The following GRIN2D variants were observed in gnomAD, a reference collection of about 807,000 sequenced individuals.
GRIN2D encodes glutamate ionotropic receptor NMDA type subunit 2D, also known as glutamate receptor ionotropic, NMDA 2D.
In GRIN2D, 37 loss-of-function variants were observed where a neutral mutation model predicts 103.2. That is an observed-to-expected ratio of 0.36 (90% CI 0.28 to 0.47). GRIN2D has a LOEUF of 0.47. Ranked by LOEUF, GRIN2D falls within the 20% of genes least tolerant of loss-of-function variation. The pLI, the probability that GRIN2D is intolerant of heterozygous loss-of-function variation, is 1.00. For synonymous variants in GRIN2D, 845 were observed against 885.6 expected (o/e 0.95, Z 0.81); for missense variants, 1,557 against 1,910.6 (o/e 0.81, Z 3.45).
Position 48,405,473 on chromosome 19 carries a change from C to A in GRIN2D, c.1085+120C>A. 9.3e-7 allele frequency: 1 copy of A among 1,074,978 alleles called. No homozygotes were observed. The highest frequency in any genetic ancestry group is 1.3e-6 in the Non-Finnish European group (1 of 788,470). The allele number at this position is 1,074,978 out of a possible 1,614,324, so 66.6% of individuals were successfully genotyped here. ...GCTCTTTGAGCCTCAGTTTTCTTTT[C>A]TGTAAAGTGGGTGCAATTGGGTCTC... On this transcript the variant is annotated intron_variant, in intron 4 of 13. Transcript: ENST00000263269. The surrounding 1 kb of genome is among the most constrained non-coding windows in gnomAD (Gnocchi z 5.1).
chr19:48,433,517 C>T (rs528345193), intron 11 of GRIN2D, among the ~76,000 whole-genome samples: 108 of 152,306 alleles, frequency 7.1e-4, no homozygotes, highest in African/African-American at 1.2e-3. Context: ...GGGCTCTGGC[C>T]GGCTCGCAGG....
intron 11 of GRIN2D, among the ~76,000 whole-genome samples, chr19:48,426,224 C>CTTTTTTTTTTTTTTCTTTTT (rs1555893888): frequency 8.3e-6 from 1 of 120,118 alleles, no homozygotes; most frequent in Non-Finnish European, 1.7e-5. Flanking sequence ...TTCTTTCTTT[C>CTTTTTTTTTTTTTTCTTTTT]TTTTTTTTTT....
In GRIN2D at chr19:48,443,580, C is replaced by G. The variant is rs1196844145; in HGVS notation, c.3654C>G (p.Pro1218=). ...APPPPPWAAG[P]LPRRRARCGC... ...CGCCTCCACCCTGGGCCGCCGGGCC[C>G]CTGCCCCGACGCCGGGCCCGCTGCG... The change falls in exon 14 of 14, where the codon CCC becomes CCG. Residue 1218 remains proline (P), a synonymous_variant. Transcript: ENST00000263269. This position sits in a 1 kb window ranked among gnomAD's most constrained non-coding sequence, Gnocchi z 8.9. 8.4e-7 allele frequency: 1 copy of G among 1,192,694 alleles called. No homozygotes were observed. The highest frequency in any genetic ancestry group is 1.0e-6 in the Non-Finnish European group (1 of 964,046). The allele number at this position is 1,192,694 out of a possible 1,614,324, so 73.9% of individuals were successfully genotyped here.
rs1328986744 is a variant in GRIN2D at position 48,393,973 on chromosome 19, G to A, written c.-306+105G>A. Reference sequence around the variant, plus strand: ...AGGGAGGGGTCTGTCTGTCTGTACCGACCCTGAGCTGCCTGCCTGGGTGTC... The same window carrying A: ...AGGGAGGGGTCTGTCTGTCTGTACCAACCCTGAGCTGCCTGCCTGGGTGTC... On this transcript the variant is annotated intron_variant, in intron 1 of 13. Coordinates refer to ENST00000263269, the MANE Select transcript of GRIN2D (RefSeq NM_000836.4). The surrounding 1 kb of genome is among the most constrained non-coding windows in gnomAD (Gnocchi z 5.6). Among the ~76,000 whole-genome samples the A allele has an allele frequency of 2.0e-5, 3 of 151,856 alleles. No homozygotes were observed. The highest frequency in any genetic ancestry group is 4.8e-5 in the African/African-American group (2 of 41,344).
At chr19:48,435,304 T>A (rs1453743390) in intron 11 of GRIN2D, among the ~76,000 whole-genome samples, 1 of 149,558 alleles carries the variant, frequency 6.7e-6, no homozygotes, top group African/African-American at 2.5e-5. Flanking sequence ...TTGTTTTTTT[T>A]TTTTTTTTTT....
At chr19:48,422,151 T>C (rs760312601) in intron 11 of GRIN2D, among the ~76,000 whole-genome samples, 4 of 152,088 alleles carry the variant, frequency 2.6e-5, no homozygotes, top group Non-Finnish European at 5.9e-5. Flanking sequence ...GATGCAGTAT[T>C]TCTGGATTCT....
At chr19:48,415,595 G>A (rs1203110531) in intron 7 of GRIN2D, among the ~76,000 whole-genome samples, 4 of 144,568 alleles carry the variant, frequency 2.8e-5, no homozygotes, top group Non-Finnish European at 6.1e-5. Context: ...AGGGCTGGGA[G>A]GAGGGACTTT....
chr19:48,419,257 G>T lies in GRIN2D; in HGVS notation c.1759G>T (p.Val587Leu). 2 of 1,610,840 alleles carry T rather than the reference G, an allele frequency of 1.2e-6. No individual in the cohort carries two copies. The highest frequency in any genetic ancestry group is 4.5e-5 in the East Asian group (2 of 44,814). Residue 587 changes from valine (V) to leucine (L), a missense_variant, in exon 9 of 14, where the codon GTG (valine) becomes TTG (leucine). Coordinates refer to ENST00000263269, the MANE Select transcript of GRIN2D (RefSeq NM_000836.4). Reference sequence around the variant, plus strand: ...AGAGCCCTACAGCCCCGCCGTGTGGGTGATGATGTTCGTCATGTGCCTCAC... The same window carrying T: ...AGAGCCCTACAGCCCCGCCGTGTGGTTGATGATGTTCGTCATGTGCCTCAC... ...FLEPYSPAVW[V>L]MMFVMCLTVV...
chr19:48,405,368 A>G lies in GRIN2D; in HGVS notation c.1085+15A>G, dbSNP rs754448811. On this transcript the variant is annotated intron_variant, in intron 4 of 13. Coordinates refer to ENST00000263269, the MANE Select transcript of GRIN2D (RefSeq NM_000836.4). The surrounding 1 kb of genome is among the most constrained non-coding windows in gnomAD (Gnocchi z 5.1). ...AGTCTGCATAGGTGAGTGGGGCTGGAATGGGAGGGGTGTGGGAGGGCTCCC... is the reference window on the plus strand; with the variant it reads ...AGTCTGCATAGGTGAGTGGGGCTGGGATGGGAGGGGTGTGGGAGGGCTCCC... 3.9e-6 allele frequency: 6 copies of G among 1,537,644 alleles called. No individual in the cohort carries two copies. The highest frequency in any genetic ancestry group is 3.6e-5 in the Admixed American group (2 of 54,942).
intron 11 of GRIN2D, among the ~76,000 whole-genome samples, chr19:48,435,046 A>G (rs371981519): frequency 1.3e-5 from 2 of 152,122 alleles, no homozygotes; most frequent in East Asian, 1.9e-4. Flanking sequence ...GGATTTTTCT[A>G]TATACAATTC....
At position 48,443,633 on chromosome 19, in the gene GRIN2D, C is replaced by T; in HGVS notation, c.3707C>T (p.Pro1236Leu). 1 of 1,077,884 alleles carries T rather than the reference C, an allele frequency of 9.3e-7. No homozygotes were observed. The highest frequency in any genetic ancestry group is 1.1e-6 in the Non-Finnish European group (1 of 894,628). The allele number at this position is 1,077,884 out of a possible 1,614,324, so 66.8% of individuals were successfully genotyped here. ...CGCPRSHPHR[P>L]RASHRTPAAA... ...TGCCCGCGGTCGCACCCGCACCGCC[C>T]GCGGGCCTCGCACCGCACGCCCGCC... Residue 1236 changes from proline (P) to leucine (L), a missense_variant, in exon 14 of 14, where the codon CCG (proline) becomes CTG (leucine). Pro to Leu is a moderately conservative substitution (Grantham distance 98). Around this residue, in one of 7 missense-constraint regions of GRIN2D, gnomAD observed 632 missense variants for 572.8 expected, o/e 1.10. Transcript: ENST00000263269. The surrounding 1 kb of genome is among the most constrained non-coding windows in gnomAD (Gnocchi z 8.9).
At chr19:48,408,819 T>TA (rs58654942) in intron 4 of GRIN2D, among the ~76,000 whole-genome samples, 91 of 141,262 alleles carry the variant, frequency 6.4e-4, no homozygotes, top group East Asian at 1.0e-3. Context: ...GACTCTGTCT[T>TA]AAAAAAAAAA....
At chr19:48,412,370 T>TA (rs946833976) in intron 4 of GRIN2D, among the ~76,000 whole-genome samples, 4 of 69,346 alleles carry the variant, frequency 5.8e-5, no homozygotes, top group African/African-American at 2.3e-4. Flanking sequence ...CATAAAAATT[T>TA]AAAAAAAAGA....
intron 11 of GRIN2D, among the ~76,000 whole-genome samples, chr19:48,429,899 C>T (rs1971135424): frequency 6.6e-6 from 1 of 152,112 alleles, no homozygotes; most frequent in South Asian, 2.1e-4. Context: ...CCCTCCATTT[C>T]TCTCAGCCCA....
intron 3 of GRIN2D, among the ~76,000 whole-genome samples, chr19:48,401,518 A>G (rs1970710740): frequency 6.6e-6 from 1 of 152,166 alleles, no homozygotes; most frequent in Admixed American, 6.5e-5. Flanking sequence ...GAGAGGCAAC[A>G]ACAAAGGACA....
chr19:48,419,558 C>A, intron 9 of GRIN2D, 27 bp from the exon 10 acceptor site: 4 of 1,532,842 alleles, frequency 2.6e-6, no homozygotes, highest in South Asian at 1.1e-5. Context: ...GATTTGGGGT[C>A]CATGTCCACG....
At chr19:48,431,015 C>T (rs142334106) in intron 11 of GRIN2D, among the ~76,000 whole-genome samples, 10 of 152,062 alleles carry the variant, frequency 6.6e-5, no homozygotes, top group East Asian at 5.8e-4. Flanking sequence ...AGTGGGGTTT[C>T]GCCATATTGA....
At chr19:48,441,530 T>C (rs184237536) in intron 11 of GRIN2D, among the ~76,000 whole-genome samples, 126 of 152,270 alleles carry the variant, frequency 8.3e-4, no homozygotes, top group African/African-American at 3.0e-3. Flanking sequence ...CTGGACAACA[T>C]AGCAAGACCC....
intron 11 of GRIN2D, among the ~76,000 whole-genome samples, chr19:48,429,623 C>T (rs1335606204): frequency 1.3e-5 from 2 of 152,084 alleles, no homozygotes; most frequent in Non-Finnish European, 2.9e-5. Flanking sequence ...TGGTCTCGAA[C>T]TCCTGACCTA....
Sources: allele counts gnomAD v4.1 joint callset (sites outside exome capture counted in the v4.1 genomes callset), GRCh38; gene constraint gnomAD v4.1.1; regional missense constraint gnomAD v4.1.1; non-coding constraint Gnocchi (gnomAD v3.1); transcripts MANE v1.5; gene names NCBI Gene and HGNC (gene_info 2026-07-23, HGNC 2026-07-21).